The following SPEF2 variants were observed in gnomAD, a reference collection of about 807,000 sequenced individuals.
The protein encoded by SPEF2 is sperm flagella and cilia-associated protein 2.
SPEF2 carries 187 observed loss-of-function variants against 224.6 expected under a neutral mutation model. The ratio of observed to expected loss-of-function variants is 0.83; its 90% CI spans 0.74 to 0.94. SPEF2 has a LOEUF of 0.94. SPEF2 is among the 40% of genes least tolerant of loss of function. The pLI is 0.00. For missense variants in SPEF2, 2,170 were observed against 2,135.6 expected, an observed-to-expected ratio of 1.02 and a Z score of -0.32; for synonymous variants, 715 against 707.3, an observed-to-expected ratio of 1.01 and a Z score of -0.17.
intron 30 of SPEF2, chr5:35,788,151 C>T: frequency 2.8e-6 from 2 of 702,922 alleles, no homozygotes; most frequent in South Asian, 1.5e-5. Flanking sequence ...GCCAAGGCCT[C>T]ATTAATGGAA....
intron 1 of SPEF2, among the ~76,000 whole-genome samples, chr5:35,620,734 T>C (rs551041314): frequency 5.8e-4 from 89 of 152,338 alleles, no homozygotes; most frequent in Middle Eastern, 3.4e-3. Context: ...AACTTTTGGC[T>C]TAAAGGATAT....
At position 35,751,080 on chromosome 5, in the gene SPEF2, C is replaced by T. The variant is rs1269532066; in HGVS notation, c.3331-2544C>T. 9.8e-4 allele frequency among the ~76,000 whole-genome samples: 43 copies of T among 43,736 alleles called. 5 individuals carry two copies. Among genetic ancestry groups the T allele is most frequent in the Admixed American group, 1.4e-3 (5 of 3,626 alleles). 28.7% of individuals were successfully genotyped at this position (43,736 alleles called of 152,430 possible). A position where few individuals can be genotyped will look rare whatever the true frequency, so the allele number is the denominator to read the frequency against. On this transcript the variant is annotated intron_variant, in intron 23 of 36. Coordinates refer to ENST00000356031, the MANE Select transcript of SPEF2 (RefSeq NM_024867.4). Reference sequence around the variant, plus strand: ...ACGTATATATATGTATATATATATACACACACACACACACACATATATATA... The same window carrying T: ...ACGTATATATATGTATATATATATATACACACACACACACACATATATATA...
intron 20 of SPEF2, among the ~76,000 whole-genome samples, chr5:35,713,268 C>A (rs1256705820): frequency 6.6e-6 from 1 of 152,074 alleles, no homozygotes; most frequent in Non-Finnish European, 1.5e-5. Context: ...AAATAAAAAT[C>A]TTACATTACC....
rs376188111 is a variant in SPEF2, at chr5:35,751,096, CAT to C, written c.3331-2507_3331-2506del. On this transcript the variant is annotated intron_variant, in intron 23 of 36. Coordinates refer to ENST00000356031, the MANE Select transcript of SPEF2 (RefSeq NM_024867.4). ...ATATATATACACACACACACACACACATATATATATATATATATATATGATGG... is the reference window on the plus strand; with the variant it reads ...ATATATATACACACACACACACACACATATATATATATATATATATGATGG... Among the ~76,000 whole-genome samples the C allele has an allele frequency of 3.4e-3, 105 of 30,596 alleles. 11 individuals carry two copies. The highest frequency in any genetic ancestry group is 0.028 in the East Asian group (33 of 1,170). The allele number at this position is 30,596 out of a possible 152,430, so 20.1% of individuals were successfully genotyped here.
At chr5:35,631,919 A>T (rs1745193836) in intron 2 of SPEF2, among the ~76,000 whole-genome samples, 1 of 152,216 alleles carries the variant, frequency 6.6e-6, no homozygotes, top group Non-Finnish European at 1.5e-5. Flanking sequence ...ATATGAAAGG[A>T]TGTATGTAGA....
chr5:35,637,406 C>T (rs763595460), intron 2 of SPEF2, among the ~76,000 whole-genome samples: 2 of 152,162 alleles, frequency 1.3e-5, no homozygotes, highest in Non-Finnish European at 2.9e-5. Context: ...CCTGATACTT[C>T]CTGCTTAAGT....
intron 21 of SPEF2, among the ~76,000 whole-genome samples, chr5:35,738,439 C>A (rs1232143319): frequency 2.0e-5 from 3 of 151,518 alleles, no homozygotes; most frequent in African/African-American, 7.3e-5. Context: ...TATGGCTAGC[C>A]AGTTTTCCCA....
chr5:35,753,489 A>G, intron 23 of SPEF2, 135 bp from the exon 24 acceptor site: 1 of 1,146,550 alleles, frequency 8.7e-7, no homozygotes, highest in Non-Finnish European at 1.3e-6. Context: ...GAGCACATAC[A>G]ATACAGGAGT....
Position 35,705,147 on chromosome 5 carries a change from T to C in SPEF2, c.2507+485T>C, listed in dbSNP as rs116252981. ...CAATATGAAATGAACCAGGGAAGAG[T>C]AATTTGAGCTACATTAAGGCTGTCT... On this transcript the variant is annotated intron_variant, in intron 17 of 36. Transcript: ENST00000356031. Among the ~76,000 whole-genome samples, 1,208 of 151,894 alleles carry C rather than the reference T, an allele frequency of 8.0e-3. 16 individuals are homozygous for C. Among genetic ancestry groups the C allele is most frequent in the African/African-American group, 0.028 (1,175 of 41,434 alleles).
At chr5:35,804,092 G>A (rs1206726910) in intron 34 of SPEF2, among the ~76,000 whole-genome samples, 5 of 152,196 alleles carry the variant, frequency 3.3e-5, no homozygotes, top group African/African-American at 4.8e-5. Flanking sequence ...GGCAAGGAGC[G>A]TTTGAGGCCC....
At chr5:35,742,043 A>G (rs1482241812) in intron 23 of SPEF2, among the ~76,000 whole-genome samples, 2 of 152,254 alleles carry the variant, frequency 1.3e-5, no homozygotes, top group East Asian at 1.9e-4. Flanking sequence ...CTAATAGTCA[A>G]TGGTGGTTGT....
intron 7 of SPEF2, among the ~76,000 whole-genome samples, chr5:35,655,981 A>C (rs1361343653): frequency 6.6e-6 from 1 of 152,198 alleles, no homozygotes; most frequent in African/African-American, 2.4e-5. Flanking sequence ...AATGTAGTGT[A>C]GTGGCAATAG....
intron 3 of SPEF2, among the ~76,000 whole-genome samples, chr5:35,643,220 G>A (rs58541693): frequency 0.035 from 5,367 of 152,196 alleles, 337 homozygotes; most frequent in African/African-American, 0.12. Flanking sequence ...AACTTCAAGC[G>A]TCAATAATTC....
chr5:35,712,875 T>A lies in SPEF2; in HGVS notation c.2903T>A (p.Leu968His), dbSNP rs751070536. 1.2e-6 allele frequency: 2 copies of A among 1,613,602 alleles called. No individual in the cohort carries two copies. The change falls in exon 20 of 37, where the codon CTC becomes CAC. Residue 968 changes from leucine to histidine, a missense_variant. Transcript: ENST00000356031. ...AAAGGGAAGAAAGGTGAGACCGCAC[T>A]CAAAAGAAAAGGTACAGCAGATAAA... ...EGKGKKGETA[L>H]KRKGSPKGKS...
intron 25 of SPEF2, among the ~76,000 whole-genome samples, chr5:35,761,623 T>C (rs1215834943): frequency 6.6e-6 from 1 of 152,098 alleles, no homozygotes; most frequent in African/African-American, 2.4e-5. Context: ...GTCCCCTCTT[T>C]TTGACACAAA....
intron 3 of SPEF2, among the ~76,000 whole-genome samples, chr5:35,643,010 A>G (rs1395090764): frequency 6.6e-6 from 1 of 152,178 alleles, no homozygotes; most frequent in Admixed American, 6.5e-5. Context: ...CCCCAACTGT[A>G]AAAACAGGGA....
At chr5:35,697,339 A>G (rs1424921706) in intron 14 of SPEF2, among the ~76,000 whole-genome samples, 1 of 152,218 alleles carries the variant, frequency 6.6e-6, no homozygotes, top group African/African-American at 2.4e-5. Flanking sequence ...GTCAAGGGCC[A>G]TGTTTATATG....
chr5:35,801,129 T>C (rs1045774920), intron 34 of SPEF2, among the ~76,000 whole-genome samples: 40 of 152,202 alleles, frequency 2.6e-4, no homozygotes, highest in African/African-American at 8.9e-4. Context: ...TAAAAAGTGG[T>C]TCAACACACA....
chr5:35,708,406 T>A (rs1204413366), intron 18 of SPEF2, among the ~76,000 whole-genome samples: 1 of 152,048 alleles, frequency 6.6e-6, no homozygotes, highest in Admixed American at 6.6e-5. Context: ...AAACAATCTT[T>A]TATTTTTCTC....
Sources: allele counts gnomAD v4.1 joint callset (sites outside exome capture counted in the v4.1 genomes callset), GRCh38; gene constraint gnomAD v4.1.1; transcripts MANE v1.5; gene names NCBI Gene and HGNC (gene_info 2026-07-23, HGNC 2026-07-21).